Variants in CUBN observed in about 807,000 individuals in gnomAD.
CUBN encodes the protein cubilin, also known as 460 kDa receptor.
In CUBN, 282 loss-of-function variants were observed where a neutral mutation model predicts 405.3. The ratio of observed to expected loss-of-function variants is 0.70; its 90% CI spans 0.63 to 0.77. CUBN has a LOEUF of 0.77. Ranked by LOEUF, CUBN falls within the 30% of genes least tolerant of loss-of-function variation. The pLI is 0.00. For missense variants in CUBN, 4,514 were observed against 4,475.2 expected, an observed-to-expected ratio of 1.01 and a Z score of -0.25; for synonymous variants, 1,684 against 1,617.0, an observed-to-expected ratio of 1.04 and a Z score of -0.99.
intron 51 of CUBN, among the ~76,000 whole-genome samples, chr10:16,902,217 GTATA>G (rs1047817665): frequency 2.4e-5 from 3 of 125,950 alleles, no homozygotes; most frequent in Non-Finnish European, 4.8e-5. Context: ...TATATATATA[GTATA>G]TATATGTATA....
At chr10:16,936,960 G>T (rs1228648027) in intron 39 of CUBN, among the ~76,000 whole-genome samples, 1 of 152,012 alleles carries the variant, frequency 6.6e-6, no homozygotes, top group Admixed American at 6.6e-5. Context: ...CAAGTGATCC[G>T]TCTACCTCTG....
intron 60 of CUBN, among the ~76,000 whole-genome samples, chr10:16,847,178 C>T (rs1033276197): frequency 2.0e-5 from 3 of 152,054 alleles, no homozygotes; most frequent in Admixed American, 6.6e-5. Context: ...TTTGGCCGGG[C>T]GTGGTGGCTC....
chr10:16,969,036 T>G (rs1183577595), intron 31 of CUBN, among the ~76,000 whole-genome samples: 1 of 152,218 alleles, frequency 6.6e-6, no homozygotes, highest in Non-Finnish European at 1.5e-5. Context: ...AAATCCAGTT[T>G]TTCCCTTTTC....
chr10:17,042,056 A>C (rs538655464), intron 26 of CUBN, among the ~76,000 whole-genome samples: 5 of 152,320 alleles, frequency 3.3e-5, no homozygotes, highest in African/African-American at 1.2e-4. Flanking sequence ...GCTGTCTCTG[A>C]AAGTGTGATT....
At position 16,920,120 on chromosome 10, in the gene CUBN, A is replaced by C. The variant is rs1235732653; in HGVS notation, c.6664T>G (p.Tyr2222Asp). The C allele has an allele frequency of 6.2e-7, 1 of 1,613,900 alleles. No individual in the cohort carries two copies. The highest frequency in any genetic ancestry group is 8.5e-7 in the Non-Finnish European group (1 of 1,179,962). ...AKSLACGGNV[Y>D]IHDADSAGYV... ...CCAGCAGAATCAGCATCATGGATGT[A>C]GACGTTGCCCCCACAGGCTGTGAGC... is the stretch of plus-strand genomic sequence containing the variant. The change falls in exon 44 of 67, where the codon TAC (tyrosine) becomes GAC (aspartate). Residue 2222 changes from tyrosine to aspartate, a missense_variant. By Grantham distance (160) the Tyr-to-Asp change is radical. Around this residue, in one of 5 missense-constraint regions of CUBN, gnomAD observed 1,613 missense variants for 1,542.8 expected, o/e 1.05. Transcript: ENST00000377833.
chr10:17,114,034 A>G lies in CUBN; in HGVS notation c.876T>C (p.Cys292=), dbSNP rs1836827429. The G allele has an allele frequency of 6.2e-7, 1 of 1,612,444 alleles. No homozygotes were observed. Among genetic ancestry groups the G allele is most frequent in the African/African-American group, 1.3e-5 (1 of 74,912 alleles). ...NTQGSFYCGA[C]PTGWQGNGYI... The stretch of plus-strand genomic sequence containing the variant: ...GTGGCCCTGAGAATGTACCTGTTGG[A>G]CAGGCCCCACAGTAGAAAGAGCCTT... Residue 292 remains cysteine (C), a synonymous_variant, in exon 8 of 67, where the codon TGT becomes TGC. Transcript: ENST00000377833.
chr10:17,048,672 T>C (rs1835193177), intron 22 of CUBN, among the ~76,000 whole-genome samples: 1 of 152,168 alleles, frequency 6.6e-6, no homozygotes, highest in Non-Finnish European at 1.5e-5. Flanking sequence ...TATTTCCAAT[T>C]GCATCCAGCC....
intron 4 of CUBN, among the ~76,000 whole-genome samples, chr10:17,125,142 C>T (rs6602177): frequency 0.7 from 106,318 of 152,046 alleles, 37,430 homozygotes; most frequent in African/African-American, 0.76. Flanking sequence ...TAATTCTCTG[C>T]TTTTAAAAAG....
At chr10:16,851,898 C>T (rs1228923784) in intron 59 of CUBN, among the ~76,000 whole-genome samples, 3 of 131,876 alleles carry the variant, frequency 2.3e-5, no homozygotes, top group Non-Finnish European at 4.9e-5. Flanking sequence ...CCATCTTTCC[C>T]TCCCTGACTC....
chr10:16,903,125 A>G (rs989915232), intron 51 of CUBN, among the ~76,000 whole-genome samples: 7 of 152,230 alleles, frequency 4.6e-5, no homozygotes, highest in Non-Finnish European at 7.4e-5. Flanking sequence ...AAATGCAAGG[A>G]TGGTTTACCA....
At chr10:16,891,889 T>C (rs1039783936) in intron 54 of CUBN, among the ~76,000 whole-genome samples, 31 of 152,224 alleles carry the variant, frequency 2.0e-4, no homozygotes, top group African/African-American at 4.1e-4. Flanking sequence ...TGCTACACAA[T>C]CTGCAATACC....
chr10:17,042,060 T>C (rs1835032782), intron 26 of CUBN, among the ~76,000 whole-genome samples: 1 of 152,124 alleles, frequency 6.6e-6, no homozygotes, highest in South Asian at 2.1e-4. Flanking sequence ...TCTCTGAAAG[T>C]GTGATTCATA....
Position 17,045,954 on chromosome 10 carries a change from T to C in CUBN, c.3470A>G (p.Tyr1157Cys). ...TTTACCTGTTGATGACCCATCCCAGTAAGCTGAGAATCCAGACCTTGTGTC... is the reference window on the plus strand; with the variant it reads ...TTTACCTGTTGATGACCCATCCCAGCAAGCTGAGAATCCAGACCTTGTGTC... The part of the protein sequence containing the change: ...QIDTRSGFSA[Y>C]WDGSSTGCGG... Residue 1157 changes from tyrosine to cysteine, a missense_variant, in exon 24 of 67, where the codon TAC (tyrosine) becomes TGC (cysteine). By Grantham distance (194) the Tyr-to-Cys change is radical (BLOSUM62 -2). This residue lies in a region of CUBN where 242 missense variants were observed against 309.0 expected (regional missense o/e 0.78). Transcript: ENST00000377833. 6.2e-7 allele frequency: 1 copy of C among 1,614,018 alleles called. No individual in the cohort carries two copies. The highest frequency in any genetic ancestry group is 8.5e-7 in the Non-Finnish European group (1 of 1,179,948).
intron 35 of CUBN, among the ~76,000 whole-genome samples, chr10:16,948,021 C>T (rs1366334198): frequency 6.6e-6 from 1 of 152,068 alleles, no homozygotes; most frequent in African/African-American, 2.4e-5. Flanking sequence ...CCAGTCTGGC[C>T]AACATAGTGA....
At chr10:16,927,008 G>A (rs1842211186) in intron 41 of CUBN, among the ~76,000 whole-genome samples, 1 of 151,802 alleles carries the variant, frequency 6.6e-6, no homozygotes. Flanking sequence ...AGTCTCCAAA[G>A]TCCATTATAC....
chr10:16,924,959 A>G (rs1186873465), intron 43 of CUBN, among the ~76,000 whole-genome samples: 2 of 152,188 alleles, frequency 1.3e-5, no homozygotes, highest in East Asian at 3.9e-4. Context: ...CAAGAAGAAT[A>G]GTTTATTTTA....
At chr10:17,118,667 C>T (rs1836962154) in intron 6 of CUBN, among the ~76,000 whole-genome samples, 1 of 152,188 alleles carries the variant, frequency 6.6e-6, no homozygotes, top group African/African-American at 2.4e-5. Context: ...GAACTCCTGA[C>T]ATCAGGTGAT....
intron 55 of CUBN, 88 bp downstream of exon 55, chr10:16,890,262 GTAGACCCCCATACTCCTCCCC>G: frequency 9.9e-7 from 1 of 1,007,094 alleles, no homozygotes; most frequent in Non-Finnish European, 1.6e-6. Context: ...CATCCTCCCC[GTAGACCCCCATACTCCTCCCC>G]TAGACCCCCA....
intron 56 of CUBN, among the ~76,000 whole-genome samples, chr10:16,878,743 A>G (rs537008577): frequency 1.8e-4 from 28 of 152,314 alleles, no homozygotes; most frequent in African/African-American, 6.7e-4. Flanking sequence ...CCTGCCCTAC[A>G]TAATTACTAA....
Sources: gnomAD v4.1 joint callset for allele counts (sites outside exome capture counted in the v4.1 genomes callset) on GRCh38, gnomAD v4.1.1 for gene constraint, gnomAD v4.1.1 regional missense constraint, MANE v1.5 for transcripts, NCBI Gene and HGNC (gene_info 2026-07-23, HGNC 2026-07-21) for gene names.